POLR1C: variants seen among roughly 807,000 people sequenced by gnomAD.
The protein encoded by POLR1C is RNA polymerase I and III subunit C.
Under a neutral mutation model 38.3 loss-of-function variants are expected in POLR1C, and 42 were observed. The observed-to-expected ratio is 1.10, with a 90% CI of 0.86 to 1.42. POLR1C has a LOEUF of 1.42. Ranked by LOEUF, POLR1C falls within the 40% of genes most tolerant of loss-of-function variation. POLR1C has a pLI of 0.00. For synonymous variants in POLR1C, 163 were observed against 163.9 expected (o/e 0.99, Z 0.04); for missense variants, 507 against 450.5 (o/e 1.13, Z -1.14).
intron 9 of POLR1C, among the ~76,000 whole-genome samples, chr6:43,536,107 CA>C (rs570428008): frequency 9.3e-5 from 13 of 140,026 alleles, no homozygotes; most frequent in Non-Finnish European, 1.1e-4. Flanking sequence ...GACTCCCTCT[CA>C]AAAAAAAAAG....
chr6:43,549,630 G>T, intron 9 of POLR1C: 3 of 1,572,320 alleles, frequency 1.9e-6, no homozygotes, highest in Non-Finnish European at 2.6e-6. Context: ...TAATATACAG[G>T]TGCTGCATAG....
At chr6:43,529,155 T>TTA (rs929977773) in intron 8 of POLR1C, 9 of 1,410,450 alleles carry the variant, frequency 6.4e-6, no homozygotes, top group Non-Finnish European at 8.8e-6. Flanking sequence ...AGGCTGCACA[T>TTA]TATGGTCACT....
At chr6:43,549,850 T>C (rs1795143278) in intron 9 of POLR1C, 1 of 1,564,160 alleles carries the variant, frequency 6.4e-7, no homozygotes, top group South Asian at 1.2e-5. Flanking sequence ...CATACATTTG[T>C]ACTCAAGAAG....
intron 10 of POLR1C, among the ~76,000 whole-genome samples, chr6:43,557,512 A>C (rs1762161923): frequency 6.6e-6 from 1 of 152,200 alleles, no homozygotes; most frequent in Non-Finnish European, 1.5e-5. Flanking sequence ...CAGTCACAAT[A>C]GACCATGTAT....
rs146162408 is a variant in POLR1C at position 43,520,135 on chromosome 6, A to G, written c.452A>G (p.His151Arg). The G allele has an allele frequency of 1.2e-6, 2 of 1,614,104 alleles. No homozygotes were observed. Among genetic ancestry groups the G allele is most frequent in the African/African-American group, 2.7e-5 (2 of 74,930 alleles). The stretch of plus-strand genomic sequence containing the variant: ...CAGGTCAGATGCACTCGGAACCCCC[A>G]TGCTGCTAAAGATTCCTCTGACCCC... ...RLQVRCTRNP[H>R]AAKDSSDPNE... Residue 151 changes from histidine (H) to arginine (R), a missense_variant, in exon 5 of 9, where the codon CAT becomes CGT. His to Arg is a conservative substitution (Grantham distance 29). Transcript: ENST00000642195.
chr6:43,518,278 G>A (rs1312839864), intron 2 of POLR1C, among the ~76,000 whole-genome samples: 3 of 152,210 alleles, frequency 2.0e-5, no homozygotes, highest in Non-Finnish European at 4.4e-5. Flanking sequence ...ACTGATGGTA[G>A]AAATAGAGCA....
intron 2 of POLR1C, 125 bp downstream of exon 2, chr6:43,517,502 G>A (rs1320036016): frequency 2.5e-6 from 2 of 810,206 alleles, no homozygotes; most frequent in Non-Finnish European, 4.3e-6. Flanking sequence ...TGAGCAATGT[G>A]CTAGACGCTC....
chr6:43,559,829 C>G (rs1762311782), intron 10 of POLR1C, among the ~76,000 whole-genome samples: 1 of 152,132 alleles, frequency 6.6e-6, no homozygotes, highest in South Asian at 2.1e-4. Context: ...TTTATGTTTC[C>G]CCCGAGACAG....
At chr6:43,528,121 A>G in intron 8 of POLR1C, 2 of 1,569,694 alleles carry the variant, frequency 1.3e-6, no homozygotes, top group Non-Finnish European at 1.7e-6. Context: ...CCTGGCTGCC[A>G]GTTCATCCAC....
chr6:43,556,507 G>C (rs1476645754), intron 10 of POLR1C, among the ~76,000 whole-genome samples: 1 of 144,166 alleles, frequency 6.9e-6, no homozygotes, highest in African/African-American at 2.6e-5. Flanking sequence ...CTGGACAACA[G>C]AGTGAGACCA....
chr6:43,530,973 C>T (rs1216675095), downstream of POLR1C: 185 of 1,054,372 alleles, frequency 1.8e-4, 2 homozygotes, highest in Non-Finnish European at 2.2e-4. Flanking sequence ...ATAGATACAG[C>T]ATCTTTTTAA....
chr6:43,524,352 CAAAAA>C (rs368583529), downstream of POLR1C: 107 of 1,069,274 alleles, frequency 1.0e-4, no homozygotes, highest in South Asian at 1.5e-4. Flanking sequence ...AACCCCATCT[CAAAAA>C]AAAAAAAAAA....
At chr6:43,524,075 G>A, downstream of POLR1C, 2 of 1,565,714 alleles carry the variant, frequency 1.3e-6, no homozygotes, top group Non-Finnish European at 1.7e-6. Flanking sequence ...TCTTGGCCCG[G>A]CGCAGTGGCT....
chr6:43,540,029 CG>C (rs754802384), intron 9 of POLR1C, among the ~76,000 whole-genome samples: 25 of 152,184 alleles, frequency 1.6e-4, no homozygotes, highest in Admixed American at 5.9e-4. Flanking sequence ...CCAAGATGGG[CG>C]GATCACCTGA....
chr6:43,551,457 T>C, intron 10 of POLR1C: 1 of 1,610,920 alleles, frequency 6.2e-7, no homozygotes, highest in Non-Finnish European at 8.5e-7. Flanking sequence ...GAATTTCCTG[T>C]AACAAAGACA....
chr6:43,549,622 A>C (rs928848259), intron 9 of POLR1C: 4 of 1,594,098 alleles, frequency 2.5e-6, no homozygotes, highest in African/African-American at 1.4e-5. Context: ...TTTTAATATA[A>C]TATACAGGTG....
chr6:43,525,978 T>C, downstream of POLR1C: 2 of 1,590,954 alleles, frequency 1.3e-6, no homozygotes, highest in Non-Finnish European at 1.7e-6. Context: ...GAAGAATATC[T>C]TGTTCTGACA....
Position 43,517,315 on chromosome 6 carries a change from A to G in POLR1C, c.79A>G (p.Thr27Ala), listed in dbSNP as rs144054843. Reference sequence around the variant, plus strand: ...CGTCCCTTTGCTCTAGGTCCATACTACTGACTTTCCCGGTAACTATTCCGG... The same window carrying G: ...CGTCCCTTTGCTCTAGGTCCATACTGCTGACTTTCCCGGTAACTATTCCGG... ...GEFGVRNVHTTDFPGNYSGYD... is the reference protein window; with the variant it reads ...GEFGVRNVHTADFPGNYSGYD... Residue 27 changes from threonine to alanine, a missense_variant, in exon 2 of 9, where the codon ACT becomes GCT. Physicochemically the swap from Thr to Ala is moderately conservative, Grantham distance 58 (BLOSUM62 0). Coordinates refer to ENST00000642195, the MANE Select transcript of POLR1C (RefSeq NM_203290.4). 41 of 1,613,890 alleles carry G rather than the reference A, an allele frequency of 2.5e-5. No individual in the cohort carries two copies. Among genetic ancestry groups the G allele is most frequent in the Non-Finnish European group, 3.2e-5 (38 of 1,179,974 alleles).
downstream of POLR1C, chr6:43,523,884 G>A (rs537877471): frequency 1.9e-6 from 3 of 1,614,042 alleles, no homozygotes; most frequent in South Asian, 3.3e-5. Flanking sequence ...TTCAAAGATG[G>A]TGGCCAGGCC....
Sources: gnomAD v4.1 joint callset for allele counts (sites outside exome capture counted in the v4.1 genomes callset) on GRCh38, gnomAD v4.1.1 for gene constraint, MANE v1.5 for transcripts, NCBI Gene and HGNC (gene_info 2026-07-23, HGNC 2026-07-21) for gene names.